Variants in URB1 observed in about 807,000 individuals in gnomAD.
URB1 encodes the protein URB1 ribosome biogenesis factor, also known as nucleolar pre-ribosomal-associated protein 1.
URB1 carries 197 observed loss-of-function variants against 242.3 expected under a neutral mutation model. The observed-to-expected ratio is 0.81, with a 90% CI of 0.72 to 0.91. The LOEUF is 0.91. Among genes scored for constraint, URB1 ranks in the 40% least tolerant of loss-of-function variants. URB1 has a pLI of 0.00. For missense variants in URB1, 2,721 were observed against 2,860.5 expected (o/e 0.95, Z 1.11); for synonymous variants, 1,153 against 1,201.8 (o/e 0.96, Z 0.84).
chr21:32,375,493 A>G lies in URB1; in HGVS notation c.665-10T>C, dbSNP rs548880409. ...ATGCAAGGAATAAATTCTGAAAGTA[A>G]AAGTTTCAAAGCATTAAATTCAAAA... On this transcript the variant is annotated splice_polypyrimidine_tract_variant and intron_variant, in intron 5 of 38. Coordinates refer to ENST00000382751, the MANE Select transcript of URB1 (RefSeq NM_014825.3). The G allele has an allele frequency of 2.1e-6, 3 of 1,458,006 alleles. No homozygotes were observed. The highest frequency in any genetic ancestry group is 1.3e-5 in the South Asian group (1 of 77,344). 90.3% of individuals were successfully genotyped at this position (1,458,006 alleles called of 1,614,324 possible).
intron 38 of URB1, 43 bp from the exon 39 acceptor site, chr21:32,315,142 T>C (rs1317190527): frequency 6.9e-7 from 1 of 1,453,192 alleles, no homozygotes; most frequent in African/African-American, 1.4e-5. Flanking sequence ...GCACACCTGC[T>C]CAGCTCGAAA....
At chr21:32,362,104 A>T (rs2033296024) in intron 11 of URB1, 83 bp from the exon 12 acceptor site, 2 of 1,490,712 alleles carry the variant, frequency 1.3e-6, no homozygotes, top group African/African-American at 2.8e-5. Context: ...ACAAGATGCA[A>T]AAAACAGGGA....
chr21:32,316,601 G>A lies in URB1; in HGVS notation c.6499C>T (p.Gln2167Ter). ...CGAEGLAGPV[Q>*]EVACLFNTVM... ...GTATTGAACAGGCAGGCCACCTCCT[G>A]CACAGGCCCTGCCAGCCCCTCAGCC... Residue 2167 changes from glutamine to a stop codon, truncating the protein, a stop_gained, in exon 38 of 39, where the codon CAG (glutamine) becomes TAG (stop). Transcript: ENST00000382751. LOFTEE classifies it high-confidence loss of function. 1.3e-6 allele frequency: 2 copies of A among 1,551,448 alleles called. No homozygotes were observed. The highest frequency in any genetic ancestry group is 1.7e-6 in the Non-Finnish European group (2 of 1,146,978).
At chr21:32,342,031 T>A (rs1028802865) in intron 24 of URB1, among the ~76,000 whole-genome samples, 1 of 2,620 alleles carries the variant, frequency 3.8e-4, no homozygotes, top group Non-Finnish European at 6.9e-4. Context: ...AGCATGAAGG[T>A]TTTGGATTTT....
rs372967394 is a variant in URB1, at chr21:32,391,052, T to A, written c.142+1717A>T. 9.7e-4 allele frequency among the ~76,000 whole-genome samples: 148 copies of A among 152,130 alleles called. No homozygotes were observed. In the East Asian group the frequency reaches 0.022, roughly 22 times the overall value. On this transcript the variant is annotated intron_variant, in intron 1 of 38. Transcript: ENST00000382751. ...CTATGCAGCCATAAAAAACGATGAG[T>A]TCATGTCCTTTGTAGGGACATGGAT...
chr21:32,343,847 G>C (rs2033056513), intron 24 of URB1, among the ~76,000 whole-genome samples: 1 of 151,344 alleles, frequency 6.6e-6, no homozygotes, highest in Non-Finnish European at 1.5e-5. Context: ...AAACTACCCT[G>C]AAGTGTATCA....
Position 32,347,208 on chromosome 21 carries a change from T to C in URB1, c.3616A>G (p.Arg1206Gly). ...LDTVLLHTLQ[R>G]DPVLAPAVGA... The stretch of plus-strand genomic sequence containing the variant: ...ACTGCGGGGGCCAGCACAGGGTCTC[T>C]CTGCAGAGTGTGGAGGAGCACTGTG... The change falls in exon 22 of 39, where the codon AGA becomes GGA. Residue 1206 changes from arginine (R) to glycine (G), a missense_variant. Transcript: ENST00000382751. 1 of 1,550,470 alleles carries C rather than the reference T, an allele frequency of 6.4e-7. No homozygotes were observed. The highest frequency in any genetic ancestry group is 8.7e-7 in the Non-Finnish European group (1 of 1,146,944).
rs2033237797 is a variant in URB1, at chr21:32,357,672, T to C, written c.1870-16A>G. 3 of 1,422,416 alleles carry C rather than the reference T, an allele frequency of 2.1e-6. No homozygotes were observed. The highest frequency in any genetic ancestry group is 2.7e-6 in the Non-Finnish European group (3 of 1,092,112). The allele number at this position is 1,422,416 out of a possible 1,614,324, so 88.1% of individuals were successfully genotyped here. A position where few individuals can be genotyped will look rare whatever the true frequency, so the allele number is the denominator to read the frequency against. ...CTGGGCCTTCCTAGAGTTTAAACAA[T>C]ATTACGTATTTTTAGTATATATAAT... On this transcript the variant is annotated splice_polypyrimidine_tract_variant and intron_variant, in intron 14 of 38. Coordinates refer to ENST00000382751, the MANE Select transcript of URB1 (RefSeq NM_014825.3).
At chr21:32,366,299 G>GAC (rs1363880269) in intron 10 of URB1, among the ~76,000 whole-genome samples, 1 of 152,186 alleles carries the variant, frequency 6.6e-6, no homozygotes. Flanking sequence ...TTCTGATTTA[G>GAC]ACATTCTTTC....
chr21:32,375,608 T>G, intron 5 of URB1, 125 bp from the exon 6 acceptor site: 1 of 563,826 alleles, frequency 1.8e-6, no homozygotes, highest in Admixed American at 3.9e-5. Flanking sequence ...TTTTTTTTTT[T>G]AACTATACAA....
intron 15 of URB1, among the ~76,000 whole-genome samples, chr21:32,356,987 G>A (rs1014339958): frequency 6.6e-6 from 1 of 152,208 alleles, no homozygotes; most frequent in Non-Finnish European, 1.5e-5. Flanking sequence ...AAAGTGAAAG[G>A]TCAAACCTCT....
In URB1 at chr21:32,311,714, C is replaced by T. The variant is rs139316723; in HGVS notation, c.*3204G>A. 6 of 1,613,942 alleles carry T rather than the reference C, an allele frequency of 3.7e-6. No homozygotes were observed. In the African/African-American group the frequency reaches 6.7e-5, roughly 18 times the overall value. On this transcript the variant is annotated 3_prime_UTR_variant, in exon 39 of 39. Transcript: ENST00000382751. ...GCCCCAAGCACCACCAAACATGCCC[C>T]TGGAGTCACGGCCTCAACCTCCACC...
Position 32,355,516 on chromosome 21 carries a change from A to G in URB1, c.2039T>C (p.Leu680Pro). The G allele has an allele frequency of 1.9e-6, 3 of 1,551,742 alleles. No homozygotes were observed. Among genetic ancestry groups the G allele is most frequent in the Non-Finnish European group, 1.7e-6 (2 of 1,146,996 alleles). ...GGTGTTCTCTAAATGCTCCAGCCAG[A>G]GCTCCAGCTCCTTCCAGGTGTGCTC... is the stretch of plus-strand genomic sequence containing the variant. ...VFEHTWKELE[L>P]WLEHLENTME... is the part of the protein sequence containing the mutation. The change falls in exon 16 of 39, where the codon CTC becomes CCC. Residue 680 changes from leucine (L) to proline (P), a missense_variant. Coordinates refer to ENST00000382751, the MANE Select transcript of URB1 (RefSeq NM_014825.3).
At chr21:32,391,295 C>T (rs982089855) in intron 1 of URB1, among the ~76,000 whole-genome samples, 1 of 151,776 alleles carries the variant, frequency 6.6e-6, no homozygotes, top group Non-Finnish European at 1.5e-5. Flanking sequence ...GTGCAGGACA[C>T]CAACATGGCA....
rs1219128715 is a variant in URB1 at position 32,314,875 on chromosome 21, C to T, written c.*43G>A. ...AACTTCTAGAAGCTGGTGCTGTGCT[C>T]GAGGCTCTGGTCATCAGGGTGCAAG... On this transcript the variant is annotated 3_prime_UTR_variant, in exon 39 of 39. Transcript: ENST00000382751. The T allele has an allele frequency of 6.5e-6, 10 of 1,532,462 alleles. No homozygotes were observed. Among genetic ancestry groups the T allele is most frequent in the South Asian group, 4.9e-5 (4 of 81,664 alleles). The allele number at this position is 1,532,462 out of a possible 1,614,324, so 94.9% of individuals were successfully genotyped here.
At position 32,357,592 on chromosome 21, in the gene URB1, A is replaced by C; in HGVS notation, c.1934T>G (p.Phe645Cys). Residue 645 changes from phenylalanine to cysteine, a missense_variant, in exon 15 of 39, where the codon TTT becomes TGT. Coordinates refer to ENST00000382751, the MANE Select transcript of URB1 (RefSeq NM_014825.3). ...CAGTTGTAAATGGCTACTGGTCACAAACATTTTCATTAGTAAGTAAAATAC... is the reference window on the plus strand; with the variant it reads ...CAGTTGTAAATGGCTACTGGTCACACACATTTTCATTAGTAAGTAAAATAC... ...RSVFYLLMKM[F>C]VTSSHLQLKS... 1 of 1,536,888 alleles carries C rather than the reference A, an allele frequency of 6.5e-7. No homozygotes were observed.
In URB1 at chr21:32,314,880, C is replaced by T; in HGVS notation, c.*38G>A. 2.0e-6 allele frequency: 3 copies of T among 1,536,202 alleles called. No homozygotes were observed. The highest frequency in any genetic ancestry group is 2.5e-5 in the East Asian group (1 of 40,704). On this transcript the variant is annotated 3_prime_UTR_variant, in exon 39 of 39. Transcript: ENST00000382751. ...CTAGAAGCTGGTGCTGTGCTCGAGG[C>T]TCTGGTCATCAGGGTGCAAGGTGCT...
At chr21:32,382,758 C>T (rs530293089) in intron 4 of URB1, among the ~76,000 whole-genome samples, 3 of 152,196 alleles carry the variant, frequency 2.0e-5, no homozygotes, top group South Asian at 2.1e-4. Flanking sequence ...AGCCAGCACA[C>T]GCGATGGGAG....
chr21:32,371,681 T>C (rs904226109), intron 8 of URB1, among the ~76,000 whole-genome samples: 8 of 152,218 alleles, frequency 5.3e-5, no homozygotes, highest in Admixed American at 3.9e-4. Context: ...CCTTGTGATA[T>C]AATGCTAGGA....
Sources: allele counts gnomAD v4.1 joint callset (sites outside exome capture counted in the v4.1 genomes callset), GRCh38; gene constraint gnomAD v4.1.1; transcripts MANE v1.5; gene names NCBI Gene and HGNC (gene_info 2026-07-23, HGNC 2026-07-21).